MSN: variants seen among roughly 807,000 people sequenced by gnomAD.
The protein encoded by MSN is epididymis luminal protein 70.
MSN carries 2 observed loss-of-function variants against 48.0 expected under a neutral mutation model. That is an observed-to-expected ratio of 0.04 (90% CI 0.02 to 0.13). MSN has a LOEUF of 0.13. Ranked by LOEUF, MSN falls within the 10% of genes least tolerant of loss-of-function variation. The pLI, the probability that MSN is intolerant of heterozygous loss-of-function variation, is 1.00. For synonymous variants in MSN, 146 were observed against 166.9 expected (o/e 0.87, Z 0.97); for missense variants, 267 against 470.1 (o/e 0.57, Z 3.99).
intron 1 of MSN, among the ~76,000 whole-genome samples, chrX:65,680,539 A>G (rs2071044410): frequency 9.0e-6 from 1 of 111,389 alleles, no homozygotes; most frequent in African/African-American, 3.3e-5. Flanking sequence ...TGAATGTGAA[A>G]AGAGAAAATT....
At chrX:65,628,994 A>C (rs1266808562) in intron 1 of MSN, among the ~76,000 whole-genome samples, 3 of 108,878 alleles carry the variant, frequency 2.8e-5, no homozygotes, top group Non-Finnish European at 5.7e-5. Context: ...TAAACCTGGA[A>C]AGTGGAGGTT....
intron 6 of MSN, 35 bp from the exon 7 acceptor site, chrX:65,733,149 C>T (rs1288460464): frequency 8.9e-7 from 1 of 1,128,920 alleles, no homozygotes; most frequent in Non-Finnish European, 1.2e-6. Flanking sequence ...CTTGTCTTGC[C>T]CTTGTCCTGA....
intron 1 of MSN, among the ~76,000 whole-genome samples, chrX:65,643,798 T>C (rs6524999): frequency 0.24 from 26,495 of 110,953 alleles, 7,688 homozygotes; most frequent in African/African-American, 0.83. Context: ...CATTGCTCCC[T>C]GGCTACAACC....
intron 1 of MSN, among the ~76,000 whole-genome samples, chrX:65,590,432 C>T (rs1381133959): frequency 1.8e-5 from 2 of 111,025 alleles, no homozygotes; most frequent in African/African-American, 3.3e-5. Context: ...TCTTGACCAA[C>T]CTCAGTCTTC....
intron 1 of MSN, among the ~76,000 whole-genome samples, chrX:65,648,328 A>C (rs1360300700): frequency 1.8e-5 from 2 of 108,465 alleles, no homozygotes; most frequent in Non-Finnish European, 3.8e-5. Context: ...CGACGTGGGC[A>C]GATCGCCTGA....
intron 1 of MSN, among the ~76,000 whole-genome samples, chrX:65,597,911 C>A (rs369652760): frequency 1.8e-5 from 2 of 111,652 alleles, no homozygotes; most frequent in Non-Finnish European, 3.8e-5. Flanking sequence ...AATCTGTGGG[C>A]AGTGTTGTTT....
intron 1 of MSN, among the ~76,000 whole-genome samples, chrX:65,629,955 G>A (rs372806788): frequency 6.3e-5 from 7 of 111,352 alleles, no homozygotes; most frequent in East Asian, 2.8e-4. Context: ...GAGGTGGGCC[G>A]ATGACTTGAG....
intron 1 of MSN, among the ~76,000 whole-genome samples, chrX:65,623,862 G>T (rs2070478443): frequency 9.1e-6 from 1 of 109,519 alleles, no homozygotes; most frequent in South Asian, 3.8e-4. Context: ...ATCTGGCTCT[G>T]GTTTTTCCTT....
Position 65,710,562 on chromosome X carries a change from C to CAAATAA in MSN, c.13-6235_13-6230dup, listed in dbSNP as rs199571514. On this transcript the variant is annotated intron_variant, in intron 1 of 12. Coordinates refer to ENST00000360270, the MANE Select transcript of MSN (RefSeq NM_002444.3). Reference sequence around the variant, plus strand: ...GCCATTTGTTCAATTATAATGTAGGCAAATAAAAATAAAAATAAAAATAAA... The same window carrying CAAATAA: ...GCCATTTGTTCAATTATAATGTAGGCAAATAAAAATAAAAATAAAAATAAAAATAAA... Among the ~76,000 whole-genome samples the CAAATAA allele has an allele frequency of 2.4e-3, 265 of 110,588 alleles. 1 individual carries two copies. Among genetic ancestry groups the CAAATAA allele is most frequent in the African/African-American group, 6.9e-3 (211 of 30,382 alleles).
chrX:65,718,918 AACTT>A (rs1235957664), intron 2 of MSN, among the ~76,000 whole-genome samples: 1 of 110,686 alleles, frequency 9.0e-6, no homozygotes, highest in Non-Finnish European at 1.9e-5. Flanking sequence ...ATTTAGGTGG[AACTT>A]ACTTCTCTGG....
At position 65,716,869 on chromosome X, in the gene MSN, C is replaced by A. The variant is rs1482330736; in HGVS notation, c.64C>A (p.Pro22Thr). The change falls in exon 2 of 13, where the codon CCC (proline) becomes ACC (threonine). Residue 22 changes from proline to threonine, a missense_variant. Coordinates refer to ENST00000360270, the MANE Select transcript of MSN (RefSeq NM_002444.3). ...TGCAGAGCTGGAGTTTGCCATCCAG[C>A]CCAACACCACCGGGAAGCAGCTATT... is the stretch of plus-strand genomic sequence containing the variant. ...MDAELEFAIQ[P>T]NTTGKQLFDQ... is the part of the protein sequence containing the mutation. 1.7e-6 allele frequency: 2 copies of A among 1,207,781 alleles called. No homozygotes were observed. Among genetic ancestry groups the A allele is most frequent in the African/African-American group, 1.8e-5 (1 of 56,529 alleles).
chrX:65,727,033 C>T (rs375342996), intron 2 of MSN, among the ~76,000 whole-genome samples: 2 of 111,464 alleles, frequency 1.8e-5, no homozygotes, highest in Non-Finnish European at 3.8e-5. Context: ...GAGGTACTTA[C>T]CCTATTTCTA....
chrX:65,663,909 A>C (rs939701697), upstream of MSN, among the ~76,000 whole-genome samples: 5 of 109,383 alleles, frequency 4.6e-5, no homozygotes, highest in Non-Finnish European at 7.6e-5. Flanking sequence ...ATACAAAAAA[A>C]ATTAGCCGGG....
chrX:65,715,543 TC>T (rs1404768665), intron 1 of MSN, among the ~76,000 whole-genome samples: 2 of 111,793 alleles, frequency 1.8e-5, no homozygotes, highest in Non-Finnish European at 3.8e-5. Context: ...ATCTTTCGCT[TC>T]CCTAGTTAAC....
intron 1 of MSN, among the ~76,000 whole-genome samples, chrX:65,702,961 G>A (rs1415678657): frequency 8.9e-6 from 1 of 111,968 alleles, no homozygotes; most frequent in Non-Finnish European, 1.9e-5. Flanking sequence ...AATAATGCTG[G>A]AATACATGTG....
At chrX:65,738,451 G>C in intron 10 of MSN, 74 bp from the exon 11 acceptor site, 1 of 927,105 alleles carries the variant, frequency 1.1e-6, no homozygotes, top group Non-Finnish European at 1.5e-6. Context: ...GTCCCCCAGG[G>C]GACTTGGGTT....
intron 1 of MSN, among the ~76,000 whole-genome samples, chrX:65,607,395 C>G (rs1414343479): frequency 9.0e-6 from 1 of 111,582 alleles, no homozygotes; most frequent in Non-Finnish European, 1.9e-5. Context: ...CTACACCAAG[C>G]CTGATATAAC....
intron 1 of MSN, among the ~76,000 whole-genome samples, chrX:65,680,889 C>T (rs1474713645): frequency 9.0e-6 from 1 of 110,623 alleles, no homozygotes; most frequent in African/African-American, 3.3e-5. Context: ...GCTGGGATTA[C>T]AGGGATGTGC....
intron 1 of MSN, among the ~76,000 whole-genome samples, chrX:65,621,001 C>T (rs1415813009): frequency 2.8e-5 from 3 of 107,968 alleles, no homozygotes; most frequent in Admixed American, 2.0e-4. Context: ...TCTCGGCTCA[C>T]GGCAACCTCC....
Sources: allele counts gnomAD v4.1 joint callset (sites outside exome capture counted in the v4.1 genomes callset), GRCh38; gene constraint gnomAD v4.1.1; transcripts MANE v1.5; gene names NCBI Gene and HGNC (gene_info 2026-07-23, HGNC 2026-07-21).